Variants in STK33 observed in about 807,000 individuals in gnomAD.
The protein encoded by STK33 is serine/threonine kinase 33, also known as serine/threonine-protein kinase 33.
In STK33, 52 loss-of-function variants were observed where a neutral mutation model predicts 58.0. The observed-to-expected ratio is 0.90, with a 90% CI of 0.72 to 1.13. The LOEUF (loss-of-function observed/expected upper bound fraction) is 1.13. STK33 is among the 50% of genes most tolerant of loss of function. The pLI is 0.00. For synonymous variants in STK33, 215 were observed against 200.1 expected (o/e 1.07, Z -0.63); for missense variants, 630 against 604.2 (o/e 1.04, Z -0.45).
chr11:8,399,362 TGAC>T (rs1849967237), intron 15 of STK33, among the ~76,000 whole-genome samples: 2 of 151,120 alleles, frequency 1.3e-5, no homozygotes, highest in East Asian at 4.2e-4. Context: ...TGCTCCTGAA[TGAC>T]TACTGGGTAC....
chr11:8,560,456 TATCA>T (rs61555754), intron 1 of STK33, among the ~76,000 whole-genome samples: 8,694 of 152,230 alleles, frequency 0.057, 441 homozygotes, highest in African/African-American at 0.15. Flanking sequence ...ATATTAATGA[TATCA>T]ATCCTCCTTC....
the STK33 span, among the ~76,000 whole-genome samples, chr11:8,365,780 G>A: frequency 1.8e-4 from 28 of 152,150 alleles, no homozygotes; most frequent in African/African-American, 6.0e-4. Flanking sequence ...GGGGGCCCCC[G>A]AGAACACAGA....
rs1848691112 is a variant in STK33, at chr11:8,392,407, G to GCTAAAAGT, written c.*102_*103insACTTTTAG. The GCTAAAAGT allele has an allele frequency of 3.7e-6, 5 of 1,338,142 alleles. No homozygotes were observed. The African/African-American group carries it at 7.3e-5, about 20-fold the overall frequency. The allele number at this position is 1,338,142 out of a possible 1,614,324, so 82.9% of individuals were successfully genotyped here. ...TGGCGGGGCTCTGTGGAGCTAAAAG[G>GCTAAAAGT]CTACAAGCTCAGCATAGGGCTGTCT... On this transcript the variant is annotated 3_prime_UTR_variant, in exon 16 of 16. Transcript: ENST00000687296.
chr11:8,481,033 T>C (rs550240614), intron 1 of STK33, among the ~76,000 whole-genome samples: 2 of 152,186 alleles, frequency 1.3e-5, no homozygotes, highest in African/African-American at 2.4e-5. Flanking sequence ...TTCTCAAGAG[T>C]ACCGAGAGAG....
intron 1 of STK33, among the ~76,000 whole-genome samples, chr11:8,553,545 C>A (rs569418769): frequency 1.3e-5 from 2 of 151,818 alleles, no homozygotes; most frequent in South Asian, 2.1e-4. Context: ...ATACGCTATA[C>A]GACTGTATAT....
intron 11 of STK33, among the ~76,000 whole-genome samples, chr11:8,450,663 G>A (rs1453166976): frequency 3.3e-5 from 5 of 151,812 alleles, no homozygotes; most frequent in Admixed American, 2.6e-4. Context: ...TTTAAATGAG[G>A]CCAGCATAAC....
intron 9 of STK33, among the ~76,000 whole-genome samples, chr11:8,456,176 G>A (rs1946839812): frequency 6.6e-6 from 1 of 152,148 alleles, no homozygotes; most frequent in Non-Finnish European, 1.5e-5. Flanking sequence ...GCTTAATAGG[G>A]AAGGACTGAC....
intron 1 of STK33, among the ~76,000 whole-genome samples, chr11:8,563,651 G>C (rs1957259007): frequency 6.6e-6 from 1 of 152,082 alleles, no homozygotes; most frequent in African/African-American, 2.4e-5. Context: ...TAACCCTTTG[G>C]AACCCCCAGT....
At chr11:8,534,135 C>T (rs558181297) in intron 1 of STK33, among the ~76,000 whole-genome samples, 3 of 152,078 alleles carry the variant, frequency 2.0e-5, no homozygotes, top group African/African-American at 4.8e-5. Context: ...ATTAGCCGGG[C>T]GTGGTGGCAG....
chr11:8,569,324 C>G (rs1591832709), intron 1 of STK33, among the ~76,000 whole-genome samples: 1 of 152,138 alleles, frequency 6.6e-6, no homozygotes, highest in Non-Finnish European at 1.5e-5. Context: ...CAGAAGTCAA[C>G]TGATTTTTGA....
chr11:8,512,506 A>T (rs1358788782), intron 1 of STK33, among the ~76,000 whole-genome samples: 1 of 152,216 alleles, frequency 6.6e-6, no homozygotes, highest in African/African-American at 2.4e-5. Context: ...AGAAGCTGGA[A>T]GGAAAAGCAT....
At chr11:8,523,403 C>G (rs370323035) in intron 1 of STK33, among the ~76,000 whole-genome samples, 1 of 151,864 alleles carries the variant, frequency 6.6e-6, no homozygotes, top group Non-Finnish European at 1.5e-5. Flanking sequence ...TCTGCCCAGC[C>G]GCAACCCCGT....
chr11:8,420,607 T>G (rs10769906), intron 14 of STK33, among the ~76,000 whole-genome samples: 54,164 of 152,152 alleles, frequency 0.36, 11,476 homozygotes, highest in Non-Finnish European at 0.47. Flanking sequence ...TCTTCCTGCC[T>G]TCTATCACCT....
At chr11:8,335,227 C>T in the STK33 span, among the ~76,000 whole-genome samples, 3 of 152,304 alleles carry the variant, frequency 2.0e-5, no homozygotes, top group African/African-American at 7.2e-5. Flanking sequence ...TGATCGCTAG[C>T]GGGGTCCCCA....
At chr11:8,540,210 G>A (rs1359051766) in intron 1 of STK33, among the ~76,000 whole-genome samples, 3 of 151,984 alleles carry the variant, frequency 2.0e-5, no homozygotes, top group Non-Finnish European at 4.4e-5. Context: ...GCCAGGTGTG[G>A]TAGCTCATGC....
intron 1 of STK33, among the ~76,000 whole-genome samples, chr11:8,488,635 T>C (rs960366387): frequency 6.6e-6 from 1 of 151,814 alleles, no homozygotes; most frequent in South Asian, 2.1e-4. Context: ...AAGTAGACAC[T>C]TCAATGGTCA....
the STK33 span, among the ~76,000 whole-genome samples, chr11:8,381,989 C>A: frequency 3.9e-5 from 6 of 152,080 alleles, no homozygotes. Context: ...TCCTTCCCAC[C>A]CATATCCCTC....
At chr11:8,523,025 C>T (rs916901955) in intron 1 of STK33, among the ~76,000 whole-genome samples, 1 of 152,198 alleles carries the variant, frequency 6.6e-6, no homozygotes, top group African/African-American at 2.4e-5. Context: ...AGCTCCTGAC[C>T]GCGAGTGATC....
the STK33 span, among the ~76,000 whole-genome samples, chr11:8,360,710 C>T: frequency 6.6e-6 from 1 of 152,348 alleles, no homozygotes; most frequent in South Asian, 2.1e-4. Flanking sequence ...CGTTTCCTTG[C>T]TGGCTGGCAC....
Sources: allele counts gnomAD v4.1 joint callset (sites outside exome capture counted in the v4.1 genomes callset), GRCh38; gene constraint gnomAD v4.1.1; transcripts MANE v1.5; gene names NCBI Gene and HGNC (gene_info 2026-07-23, HGNC 2026-07-21).